ZNF292: variants seen among roughly 807,000 people sequenced by gnomAD.
The protein encoded by ZNF292 is 16 zinc-finger domain protein.
ZNF292 carries 26 observed loss-of-function variants against 217.9 expected under a neutral mutation model. That is an observed-to-expected ratio of 0.12 (90% CI 0.09 to 0.17). The LOEUF is 0.17. Ranked by LOEUF, ZNF292 falls within the 10% of genes least tolerant of loss-of-function variation. The pLI is 1.00. For missense variants in ZNF292, 2,904 were observed against 3,175.2 expected (o/e 0.91, Z 2.05); for synonymous variants, 1,257 against 1,124.1 (o/e 1.12, Z -2.37).
chr6:87,257,264 A>G lies in ZNF292; in HGVS notation c.3635A>G (p.Asn1212Ser), dbSNP rs755416735. ...TTGTCCTCAATGGAAAGTGTCATAA[A>G]TCCAAATATAACTTCTCAGGATAAA... Reference protein sequence around the residue: ...PLLSSMESVINPNITSQDKNE... With the variant: ...PLLSSMESVISPNITSQDKNE... The change falls in exon 8 of 8, where the codon AAT (asparagine) becomes AGT (serine). Residue 1212 changes from asparagine (N) to serine (S), a missense_variant. Asn to Ser is a conservative substitution (Grantham distance 46). Transcript: ENST00000369577. The G allele has an allele frequency of 5.0e-6, 8 of 1,613,640 alleles. No individual in the cohort carries two copies. Among genetic ancestry groups the G allele is most frequent in the East Asian group, 4.5e-5 (2 of 44,898 alleles).
chr6:87,198,257 T>C (rs1313522594), intron 1 of ZNF292, among the ~76,000 whole-genome samples: 1 of 152,062 alleles, frequency 6.6e-6, no homozygotes, highest in African/African-American at 2.4e-5. Context: ...CAGGCTGGAG[T>C]GCAGTGGCGT....
intron 3 of ZNF292, among the ~76,000 whole-genome samples, chr6:87,218,192 A>G (rs1437983868): frequency 6.6e-6 from 1 of 152,180 alleles, no homozygotes; most frequent in South Asian, 2.1e-4. Flanking sequence ...TGGAATATGC[A>G]TAAGTTGTCA....
At chr6:87,241,710 G>A (rs937929646) in intron 5 of ZNF292, among the ~76,000 whole-genome samples, 2 of 152,192 alleles carry the variant, frequency 1.3e-5, no homozygotes, top group Non-Finnish European at 2.9e-5. Context: ...GTGAGCCACC[G>A]TGTCCGGCCA....
At chr6:87,205,080 C>G (rs1164262994) in intron 1 of ZNF292, among the ~76,000 whole-genome samples, 1 of 152,038 alleles carries the variant, frequency 6.6e-6, no homozygotes, top group Non-Finnish European at 1.5e-5. Flanking sequence ...TTCCCGCTCT[C>G]CACTGGCCCC....
At chr6:87,157,076 A>G (rs1770567443) in intron 1 of ZNF292, among the ~76,000 whole-genome samples, 2 of 152,204 alleles carry the variant, frequency 1.3e-5, no homozygotes, top group African/African-American at 4.8e-5. Context: ...CAAATATTGA[A>G]ATATTTTCTT....
rs150730689 is a variant in ZNF292 at position 87,196,887 on chromosome 6, A to G, written c.169-19016A>G. On this transcript the variant is annotated intron_variant, in intron 1 of 7. Coordinates refer to ENST00000369577, the MANE Select transcript of ZNF292 (RefSeq NM_015021.3). ...TTTCATAATATAAAAATGAATTTTT[A>G]TGGTAAAAATAACAAAGCCAACAGG... 7.7e-3 allele frequency among the ~76,000 whole-genome samples: 1,169 copies of G among 152,360 alleles called. 23 individuals are homozygous for G. Among genetic ancestry groups the G allele is most frequent in the African/African-American group, 0.026 (1,061 of 41,594 alleles).
chr6:87,172,959 G>A (rs1771153872), intron 1 of ZNF292, among the ~76,000 whole-genome samples: 1 of 151,660 alleles, frequency 6.6e-6, no homozygotes, highest in Non-Finnish European at 1.5e-5. Flanking sequence ...ATGATTAAAG[G>A]TGAAATCTGT....
intron 1 of ZNF292, among the ~76,000 whole-genome samples, chr6:87,162,076 G>A (rs1020951631): frequency 6.6e-6 from 1 of 152,148 alleles, no homozygotes; most frequent in African/African-American, 2.4e-5. Flanking sequence ...TGGATATTTA[G>A]GAGAGTAAGT....
At chr6:87,215,838 G>C (rs1562146404) in intron 1 of ZNF292, 65 bp from the exon 2 acceptor site, 1 of 1,311,734 alleles carries the variant, frequency 7.6e-7, no homozygotes, top group Non-Finnish European at 1.0e-6. Context: ...GGAAAAAACA[G>C]CTGATGAGTC....
At chr6:87,232,310 C>T (rs9450639) in intron 4 of ZNF292, among the ~76,000 whole-genome samples, 56,977 of 151,792 alleles carry the variant, frequency 0.38, 11,159 homozygotes, top group Admixed American at 0.52. Context: ...AAGGATATTA[C>T]AAGAAGTAAA....
chr6:87,240,248 A>C (rs1452665710), intron 5 of ZNF292, among the ~76,000 whole-genome samples: 1 of 152,134 alleles, frequency 6.6e-6, no homozygotes, highest in Non-Finnish European at 1.5e-5. Context: ...GGCACTCAGC[A>C]GGCTGAGGCA....
At position 87,262,230 on chromosome 6, in the gene ZNF292, A is replaced by G. The variant is rs1775644341; in HGVS notation, c.*429A>G. The G allele has an allele frequency of 6.6e-6, 1 of 152,282 alleles. No individual in the cohort carries two copies. The highest frequency in any genetic ancestry group is 6.6e-5 in the Admixed American group (1 of 15,266). The allele number at this position is 152,282 out of a possible 1,614,324, so 9.4% of individuals were successfully genotyped here. On this transcript the variant is annotated 3_prime_UTR_variant, in exon 8 of 8. Coordinates refer to ENST00000369577, the MANE Select transcript of ZNF292 (RefSeq NM_015021.3). The stretch of plus-strand genomic sequence containing the variant: ...GTCTAAACTATTAAATGACACATTT[A>G]TATTTGGAATTTTAATTTTTAACTA...
intron 1 of ZNF292, among the ~76,000 whole-genome samples, chr6:87,160,487 ATATATG>A (rs779784437): frequency 3.9e-5 from 3 of 77,922 alleles, no homozygotes; most frequent in African/African-American, 1.1e-4. Context: ...GTGTTTGTAT[ATATATG>A]TGTGTGTGTG....
chr6:87,242,601 G>A (rs1185238883), intron 5 of ZNF292, among the ~76,000 whole-genome samples: 1 of 152,126 alleles, frequency 6.6e-6, no homozygotes, highest in African/African-American at 2.4e-5. Context: ...TTTGTCTTCA[G>A]TTCTTTTTGC....
chr6:87,189,291 A>G (rs1190062461), intron 1 of ZNF292, among the ~76,000 whole-genome samples: 1 of 152,120 alleles, frequency 6.6e-6, no homozygotes, highest in Non-Finnish European at 1.5e-5. Context: ...TTGTAGAAGC[A>G]TGGGGAAGAT....
chr6:87,182,210 T>G (rs1357744799), intron 1 of ZNF292, among the ~76,000 whole-genome samples: 3 of 152,200 alleles, frequency 2.0e-5, no homozygotes, highest in Non-Finnish European at 4.4e-5. Context: ...GGAGTAGCCC[T>G]TCAAAGTCAT....
chr6:87,200,262 AAG>A (rs2127788657), intron 1 of ZNF292, among the ~76,000 whole-genome samples: 1 of 152,336 alleles, frequency 6.6e-6, no homozygotes, highest in Non-Finnish European at 1.5e-5. Context: ...TCACAATGTA[AAG>A]GTACAGATCA....
chr6:87,157,997 C>A (rs1423312929), intron 1 of ZNF292, among the ~76,000 whole-genome samples: 2 of 152,184 alleles, frequency 1.3e-5, no homozygotes, highest in Admixed American at 6.5e-5. Context: ...CAGGTGTGAG[C>A]ACCGCGTCCC....
intron 6 of ZNF292, among the ~76,000 whole-genome samples, chr6:87,244,361 A>T (rs1190293340): frequency 2.0e-5 from 3 of 152,318 alleles, no homozygotes; most frequent in Non-Finnish European, 4.4e-5. Flanking sequence ...AGGGAGAATA[A>T]ATAAGAAGTA....
Sources: allele counts gnomAD v4.1 joint callset (sites outside exome capture counted in the v4.1 genomes callset), GRCh38; gene constraint gnomAD v4.1.1; transcripts MANE v1.5; gene names NCBI Gene and HGNC (gene_info 2026-07-23, HGNC 2026-07-21).